Variants in ACTR3C observed in about 807,000 individuals in gnomAD.
ACTR3C encodes the protein actin related protein 3C.
ACTR3C carries 18 observed loss-of-function variants against 26.3 expected under a neutral mutation model. The ratio of observed to expected loss-of-function variants is 0.68; its 90% CI spans 0.47 to 1.01. The LOEUF is 1.01. Among genes scored for constraint, ACTR3C ranks in the 50% least tolerant of loss-of-function variants. ACTR3C has a pLI of 0.00. For missense variants in ACTR3C, 184 were observed against 250.7 expected (o/e 0.73, Z 1.80); for synonymous variants, 55 against 94.5 (o/e 0.58, Z 2.42).
chr7:149,895,858 A>T, the ACTR3C span, among the ~76,000 whole-genome samples: 2 of 152,052 alleles, frequency 1.3e-5, no homozygotes, highest in Non-Finnish European at 2.9e-5. Context: ...GTTTTTAATT[A>T]AAAAAATTTT....
the ACTR3C span, among the ~76,000 whole-genome samples, chr7:150,005,440 T>C: frequency 6.6e-6 from 1 of 152,122 alleles, no homozygotes; most frequent in East Asian, 1.9e-4. Flanking sequence ...AAATCCTGCC[T>C]TTTCTGAACC....
At chr7:149,903,123 A>C in the ACTR3C span, among the ~76,000 whole-genome samples, 1 of 124,546 alleles carries the variant, frequency 8.0e-6, no homozygotes, top group Non-Finnish European at 1.8e-5. Flanking sequence ...TCTCCACAAA[A>C]ACCTACAGTT....
intron 6 of ACTR3C, among the ~76,000 whole-genome samples, chr7:150,261,299 A>T (rs925689022): frequency 4.6e-5 from 7 of 152,118 alleles, no homozygotes; most frequent in Non-Finnish European, 7.3e-5. Context: ...AAAGGAAATC[A>T]GATGTAATTT....
At chr7:150,079,621 T>C in the ACTR3C span, among the ~76,000 whole-genome samples, 2 of 152,178 alleles carry the variant, frequency 1.3e-5, no homozygotes, top group African/African-American at 4.8e-5. Flanking sequence ...CCTCTCTGCC[T>C]GGCGTTTCCC....
intron 2 of ACTR3C, among the ~76,000 whole-genome samples, chr7:150,294,037 T>G (rs954983098): frequency 1.3e-5 from 2 of 152,220 alleles, no homozygotes; most frequent in African/African-American, 4.8e-5. Context: ...TAATTTCTAC[T>G]TCATTGGTTT....
At chr7:149,938,285 A>T in the ACTR3C span, among the ~76,000 whole-genome samples, 1 of 152,224 alleles carries the variant, frequency 6.6e-6, no homozygotes, top group African/African-American at 2.4e-5. Flanking sequence ...ACCTTTGAGG[A>T]ATGTTGTTTC....
At chr7:150,231,290 TG>T in the ACTR3C span, among the ~76,000 whole-genome samples, 1 of 152,106 alleles carries the variant, frequency 6.6e-6, no homozygotes, top group African/African-American at 2.4e-5. Context: ...GTGTTGGAGA[TG>T]GGGCTTCATG....
chr7:149,919,739 T>G, the ACTR3C span, among the ~76,000 whole-genome samples: 1 of 152,246 alleles, frequency 6.6e-6, no homozygotes, highest in Non-Finnish European at 1.5e-5. Flanking sequence ...CCTTTTACTC[T>G]GTAATCTATT....
At chr7:150,037,527 C>T in the ACTR3C span, among the ~76,000 whole-genome samples, 147 of 47,410 alleles carry the variant, frequency 3.1e-3, 8 homozygotes, top group African/African-American at 0.011. Flanking sequence ...CAGTCCCCAC[C>T]TTCGCGGGGG....
At chr7:149,923,120 A>T in the ACTR3C span, among the ~76,000 whole-genome samples, 2 of 151,050 alleles carry the variant, frequency 1.3e-5, no homozygotes, top group Non-Finnish European at 2.9e-5. Context: ...TATAATGATA[A>T]CAATTAGACA....
chr7:150,115,233 C>A, the ACTR3C span, among the ~76,000 whole-genome samples: 3 of 152,168 alleles, frequency 2.0e-5, no homozygotes, highest in Admixed American at 6.5e-5. Flanking sequence ...ATATGACAAA[C>A]CCCAACTCTT....
chr7:150,172,341 C>A, the ACTR3C span, among the ~76,000 whole-genome samples: 2 of 150,518 alleles, frequency 1.3e-5, no homozygotes, highest in Admixed American at 6.6e-5. Context: ...GCACTTCTTA[C>A]GTGATGGCGG....
At chr7:149,883,177 G>C in the ACTR3C span, among the ~76,000 whole-genome samples, 2 of 152,202 alleles carry the variant, frequency 1.3e-5, no homozygotes, top group Admixed American at 1.3e-4. Flanking sequence ...AGCTTTTTCA[G>C]ACAGGAACTC....
chr7:150,216,649 C>T, the ACTR3C span, among the ~76,000 whole-genome samples: 3 of 152,034 alleles, frequency 2.0e-5, no homozygotes, highest in African/African-American at 7.3e-5. Flanking sequence ...CCCTCTGGGA[C>T]CTGCTCCTGA....
chr7:149,951,982 G>A, the ACTR3C span, among the ~76,000 whole-genome samples: 26 of 149,344 alleles, frequency 1.7e-4, no homozygotes, highest in Non-Finnish European at 5.9e-5. Context: ...CCAAGGTCAA[G>A]GTGCTGGAGG....
rs200997116 is a variant in ACTR3C, at chr7:150,275,721, A to AC, written c.564+9031_564+9032insG. 8.7e-3 allele frequency among the ~76,000 whole-genome samples: 1,322 copies of AC among 152,178 alleles called. 17 individuals are homozygous for AC. Among genetic ancestry groups the AC allele is most frequent in the African/African-American group, 0.03 (1,258 of 41,498 alleles). On this transcript the variant is annotated intron_variant, in intron 6 of 7. Transcript: ENST00000683684. Reference sequence around the variant, plus strand: ...AGCGAAAACTCTGTCTCAAAAAAAAAACAAAACAAAAACAGCGACTACAAA... The same window carrying AC: ...AGCGAAAACTCTGTCTCAAAAAAAAACACAAAACAAAAACAGCGACTACAAA...
the ACTR3C span, among the ~76,000 whole-genome samples, chr7:150,155,238 C>T: frequency 2.7e-5 from 4 of 150,430 alleles, no homozygotes; most frequent in African/African-American, 4.9e-5. Context: ...TGCATTTGGG[C>T]GGTAAAAACA....
At chr7:149,888,915 G>A in the ACTR3C span, among the ~76,000 whole-genome samples, 1 of 152,082 alleles carries the variant, frequency 6.6e-6, no homozygotes, top group Non-Finnish European at 1.5e-5. Flanking sequence ...GGCTGAGGCA[G>A]GAGAATCGCT....
At chr7:150,159,846 T>C in the ACTR3C span, among the ~76,000 whole-genome samples, 5 of 152,184 alleles carry the variant, frequency 3.3e-5, no homozygotes, top group African/African-American at 9.6e-5. Context: ...TGGCCCAGGC[T>C]CACAGATCTC....
Sources: allele counts gnomAD v4.1 joint callset (sites outside exome capture counted in the v4.1 genomes callset), GRCh38; gene constraint gnomAD v4.1.1; transcripts MANE v1.5; gene names NCBI Gene and HGNC (gene_info 2026-07-23, HGNC 2026-07-21).